The following MACROD2 variants were observed in gnomAD, a reference collection of about 807,000 sequenced individuals.
MACROD2 encodes the protein mono-ADP ribosylhydrolase 2, also known as ADP-ribose glycohydrolase MACROD2.
A neutral mutation model predicts 70.4 loss-of-function variants in MACROD2; 36 were observed. That is an observed-to-expected ratio of 0.51 (90% CI 0.39 to 0.68). The LOEUF (loss-of-function observed/expected upper bound fraction) is 0.68. MACROD2 is among the 30% of genes least tolerant of loss of function. The probability of loss-of-function intolerance (pLI) is 0.00; values close to 1 mark genes in which losing one functional copy is unlikely to be tolerated. For synonymous variants in MACROD2, 172 were observed against 178.8 expected, an observed-to-expected ratio of 0.96 and a Z score of 0.30; for missense variants, 496 against 538.4, an observed-to-expected ratio of 0.92 and a Z score of 0.78.
intron 3 of MACROD2, among the ~76,000 whole-genome samples, chr20:14,182,472 T>C (rs184158590): frequency 1.3e-5 from 2 of 152,290 alleles, no homozygotes; most frequent in African/African-American, 2.4e-5. Flanking sequence ...ACAGAACTTA[T>C]TAGTTTTGAT....
chr20:14,262,198 T>G (rs1467397477), intron 3 of MACROD2, among the ~76,000 whole-genome samples: 1 of 152,126 alleles, frequency 6.6e-6, no homozygotes, highest in Non-Finnish European at 1.5e-5. Flanking sequence ...TAAAAGATCT[T>G]TTAATCTTGC....
chr20:15,911,507 C>G (rs569747952), intron 10 of MACROD2, among the ~76,000 whole-genome samples: 1 of 151,234 alleles, frequency 6.6e-6, no homozygotes, highest in South Asian at 2.1e-4. Flanking sequence ...AAAGCGTTAA[C>G]ACTACTTAAA....
chr20:15,776,928 C>T (rs1600874877), intron 8 of MACROD2, among the ~76,000 whole-genome samples: 2 of 152,142 alleles, frequency 1.3e-5, no homozygotes, highest in African/African-American at 2.4e-5. Flanking sequence ...CTTAGCATTG[C>T]ATTGCTTACA....
intron 3 of MACROD2, among the ~76,000 whole-genome samples, chr20:14,391,770 G>C (rs1422890441): frequency 6.8e-6 from 1 of 146,556 alleles, no homozygotes; most frequent in Admixed American, 6.9e-5. Context: ...CTAAACACTG[G>C]GTACTTATGG....
intron 5 of MACROD2, among the ~76,000 whole-genome samples, chr20:15,077,413 A>G (rs2075666433): frequency 6.6e-6 from 1 of 152,160 alleles, no homozygotes; most frequent in South Asian, 2.1e-4. Context: ...CATTTCTGGA[A>G]CCATATTTTT....
At chr20:14,684,657 C>A (rs1053320791) in intron 4 of MACROD2, among the ~76,000 whole-genome samples, 186 bp from the exon 5 acceptor site, 8 of 149,436 alleles carry the variant, frequency 5.4e-5, no homozygotes, top group African/African-American at 1.2e-4. Context: ...CACCCCCCCC[C>A]CCCGGCCCCC....
intron 5 of MACROD2, among the ~76,000 whole-genome samples, chr20:14,973,156 T>G (rs1023119363): frequency 2.6e-5 from 4 of 151,996 alleles, no homozygotes; most frequent in South Asian, 4.2e-4. Context: ...TGAAGTTCCA[T>G]TATGCCACAC....
chr20:15,530,202 G>A (rs1182710042), intron 8 of MACROD2, among the ~76,000 whole-genome samples: 1 of 152,052 alleles, frequency 6.6e-6, no homozygotes, highest in African/African-American at 2.4e-5. Context: ...ATGAAAGTGG[G>A]GAAATGGAAA....
chr20:14,737,061 C>A (rs960005976), intron 5 of MACROD2, among the ~76,000 whole-genome samples: 1 of 152,012 alleles, frequency 6.6e-6, no homozygotes, highest in Non-Finnish European at 1.5e-5. Flanking sequence ...CCCATCAACC[C>A]GTCACCTACA....
intron 15 of MACROD2, among the ~76,000 whole-genome samples, chr20:16,038,146 A>G (rs943651702): frequency 3.4e-5 from 5 of 145,526 alleles, no homozygotes; most frequent in South Asian, 2.3e-4. Flanking sequence ...TTTGAAGTTA[A>G]TGGATCTTTA....
chr20:14,910,711 T>C (rs1316831870), intron 5 of MACROD2, among the ~76,000 whole-genome samples: 1 of 152,184 alleles, frequency 6.6e-6, no homozygotes, highest in Non-Finnish European at 1.5e-5. Flanking sequence ...CTTTGCATCT[T>C]GGAGACTCAG....
At chr20:14,689,068 C>T (rs117884014) in intron 5 of MACROD2, among the ~76,000 whole-genome samples, 206 of 152,242 alleles carry the variant, frequency 1.4e-3, no homozygotes, top group Non-Finnish European at 2.3e-3. Flanking sequence ...CTGTGCTTCC[C>T]CCACTCACAC....
intron 7 of MACROD2, among the ~76,000 whole-genome samples, chr20:15,439,011 G>C (rs1342967087): frequency 6.6e-6 from 1 of 152,158 alleles, no homozygotes; most frequent in East Asian, 1.9e-4. Context: ...GTATTTGTAG[G>C]TATGGCAGTG....
chr20:14,831,654 C>T (rs1008993731), intron 5 of MACROD2, among the ~76,000 whole-genome samples: 2 of 151,452 alleles, frequency 1.3e-5, no homozygotes, highest in Admixed American at 6.6e-5. Context: ...GTGGCGGGCG[C>T]TTGTAATCCC....
intron 5 of MACROD2, among the ~76,000 whole-genome samples, chr20:14,828,092 C>T (rs2072923071): frequency 6.6e-6 from 1 of 151,666 alleles, no homozygotes; most frequent in African/African-American, 2.4e-5. Flanking sequence ...AAAGGTAAGC[C>T]CTGCTAATAG....
intron 3 of MACROD2, among the ~76,000 whole-genome samples, chr20:14,193,688 A>G (rs2081407201): frequency 6.6e-6 from 1 of 152,180 alleles, no homozygotes; most frequent in Non-Finnish European, 1.5e-5. Context: ...GTCAGAGATG[A>G]AACATTGATT....
At chr20:14,000,885 C>T (rs1033408121) in intron 1 of MACROD2, among the ~76,000 whole-genome samples, 3 of 152,130 alleles carry the variant, frequency 2.0e-5, no homozygotes, top group Admixed American at 6.5e-5. Context: ...CTTTTGTTTC[C>T]GGCTACTTTT....
chr20:15,404,105 T>C (rs1404323363), intron 6 of MACROD2, among the ~76,000 whole-genome samples: 1 of 152,208 alleles, frequency 6.6e-6, no homozygotes, highest in Non-Finnish European at 1.5e-5. Context: ...TCCATCTTTA[T>C]AGTGCTTGAG....
intron 3 of MACROD2, among the ~76,000 whole-genome samples, chr20:14,365,963 A>C (rs939609942): frequency 6.6e-6 from 1 of 152,168 alleles, no homozygotes; most frequent in Non-Finnish European, 1.5e-5. Flanking sequence ...GTTGAGGAAG[A>C]TACTTTGGAT....
Sources: allele counts gnomAD v4.1 joint callset (sites outside exome capture counted in the v4.1 genomes callset), GRCh38; gene constraint gnomAD v4.1.1; transcripts MANE v1.5; gene names NCBI Gene and HGNC (gene_info 2026-07-23, HGNC 2026-07-21).